ME3: variants seen among roughly 807,000 people sequenced by gnomAD.
The protein encoded by ME3 is NADP-dependent malic enzyme, mitochondrial.
ME3 carries 48 observed loss-of-function variants against 68.9 expected under a neutral mutation model. The ratio of observed to expected loss-of-function variants is 0.70; its 90% CI spans 0.55 to 0.89. ME3 has a LOEUF of 0.89. Among genes scored for constraint, ME3 ranks in the 40% least tolerant of loss-of-function variants. ME3 has a pLI of 0.00. For synonymous variants in ME3, 320 were observed against 318.8 expected (o/e 1.00, Z -0.04); for missense variants, 675 against 797.4 (o/e 0.85, Z 1.85).
chr11:86,458,358 G>A lies in ME3; in HGVS notation c.919+6733C>T, dbSNP rs1376810520. Among the ~76,000 whole-genome samples, 5 of 152,330 alleles carry A rather than the reference G, an allele frequency of 3.3e-5. No homozygotes were observed. In the East Asian group the frequency reaches 9.6e-4, roughly 29 times the overall value. ...CTACATTACTTCAGTGCAATTTTGT[G>A]TCATAAGGGAATTTTCTGGAGCTCC... is the stretch of plus-strand genomic sequence containing the variant. On this transcript the variant is annotated intron_variant, in intron 8 of 14. Coordinates refer to ENST00000543262, the Ensembl canonical transcript of ME3.
At chr11:86,529,806 C>A (rs960168440) in intron 4 of ME3, among the ~76,000 whole-genome samples, 7 of 152,100 alleles carry the variant, frequency 4.6e-5, no homozygotes, top group Non-Finnish European at 1.5e-5. Flanking sequence ...ATTAAATAAC[C>A]CTTCATGCTA....
At chr11:86,628,186 G>A (rs1487147660) in intron 2 of ME3, among the ~76,000 whole-genome samples, 1 of 152,230 alleles carries the variant, frequency 6.6e-6, no homozygotes, top group Non-Finnish European at 1.5e-5. Context: ...TTACATGCCA[G>A]TATGTAGGAG....
At chr11:86,600,172 G>A (rs1165551269) in intron 2 of ME3, among the ~76,000 whole-genome samples, 2 of 152,048 alleles carry the variant, frequency 1.3e-5, no homozygotes, top group African/African-American at 4.8e-5. Context: ...TGGATAAAGA[G>A]TCAAGACCCA....
rs558405047 is a variant in ME3 at position 86,457,862 on chromosome 11, G to A, written c.919+7229C>T. ...CTTGAGGTTGTAGCTTCAGGAAATA[G>A]CACAAAAGGACATGCTGAAAATGTA... On this transcript the variant is annotated intron_variant, in intron 8 of 14. Coordinates refer to ENST00000543262, the Ensembl canonical transcript of ME3. 1.0e-4 allele frequency: 115 copies of A among 1,130,600 alleles called. No homozygotes were observed. In the African/African-American group the frequency reaches 1.8e-3, roughly 18 times the overall value. The allele number at this position is 1,130,600 out of a possible 1,614,324, so 70.0% of individuals were successfully genotyped here. A position where few individuals can be genotyped will look rare whatever the true frequency, so the allele number is the denominator to read the frequency against.
chr11:86,600,761 C>T (rs1209675671), intron 2 of ME3, among the ~76,000 whole-genome samples: 1 of 151,678 alleles, frequency 6.6e-6, no homozygotes, highest in Admixed American at 6.6e-5. Flanking sequence ...TCTCTCAGAC[C>T]ACAGTGCAAT....
chr11:86,446,373 C>T, exon 13 of ME3: 2 of 1,614,178 alleles, frequency 1.2e-6, no homozygotes, highest in East Asian at 4.5e-5. Flanking sequence ...GCGATGACTC[C>T]CAGTGCCACC....
chr11:86,489,689 C>G (rs1014555383), intron 6 of ME3, among the ~76,000 whole-genome samples: 1 of 152,140 alleles, frequency 6.6e-6, no homozygotes, highest in Non-Finnish European at 1.5e-5. Flanking sequence ...ACTGGCCTGA[C>G]TGAGCTGGGG....
At chr11:86,644,375 T>C (rs1944867996) in intron 2 of ME3, among the ~76,000 whole-genome samples, 1 of 152,128 alleles carries the variant, frequency 6.6e-6, no homozygotes, top group Admixed American at 6.5e-5. Flanking sequence ...CTTCCTTGCT[T>C]AGAACCATTT....
chr11:86,629,429 C>T (rs1943874752), intron 2 of ME3, among the ~76,000 whole-genome samples: 1 of 152,184 alleles, frequency 6.6e-6, no homozygotes, highest in South Asian at 2.1e-4. Flanking sequence ...AGGAGGTTAA[C>T]TAAATGTGTT....
intron 2 of ME3, among the ~76,000 whole-genome samples, chr11:86,581,346 T>C (rs1958434614): frequency 6.6e-6 from 1 of 152,186 alleles, no homozygotes; most frequent in South Asian, 2.1e-4. Flanking sequence ...CATAGGATAA[T>C]GATTATGAGT....
At chr11:86,616,287 AT>A (rs1263630191) in intron 2 of ME3, among the ~76,000 whole-genome samples, 25 of 152,314 alleles carry the variant, frequency 1.6e-4, no homozygotes, top group African/African-American at 5.8e-4. Context: ...TAAAACTTTT[AT>A]GATATTTAGG....
intron 2 of ME3, among the ~76,000 whole-genome samples, chr11:86,665,825 G>A (rs1386261086): frequency 6.9e-6 from 1 of 144,734 alleles, no homozygotes; most frequent in Non-Finnish European, 1.5e-5. Flanking sequence ...ATTCCATAAG[G>A]GGTCTGAAAG....
chr11:86,478,876 C>T lies in ME3; in HGVS notation c.809+8461G>A, dbSNP rs114727225. On this transcript the variant is annotated intron_variant, in intron 7 of 14. Transcript: ENST00000543262. Reference sequence around the variant, plus strand: ...CCACTGCATTAGATGACTGTAGCCCCTTCCACTTTTGAGCTCTCATAATCA... The same window carrying T: ...CCACTGCATTAGATGACTGTAGCCCTTTCCACTTTTGAGCTCTCATAATCA... Among the ~76,000 whole-genome samples the T allele has an allele frequency of 4.4e-3, 666 of 152,238 alleles. 7 individuals carry two copies. The highest frequency in any genetic ancestry group is 0.016 in the African/African-American group (647 of 41,528).
chr11:86,564,675 A>G (rs1212208833), intron 2 of ME3, among the ~76,000 whole-genome samples: 23 of 152,168 alleles, frequency 1.5e-4, no homozygotes, highest in Admixed American at 1.5e-3. Context: ...TTGGACCCCT[A>G]ACTCACATTA....
intron 2 of ME3, among the ~76,000 whole-genome samples, chr11:86,591,872 C>T (rs1160792555): frequency 6.6e-6 from 1 of 152,072 alleles, no homozygotes; most frequent in Non-Finnish European, 1.5e-5. Flanking sequence ...GAGTCTCTCC[C>T]ACAACACGTG....
chr11:86,653,305 C>G (rs2135446046), intron 2 of ME3, among the ~76,000 whole-genome samples: 1 of 152,276 alleles, frequency 6.6e-6, no homozygotes, highest in East Asian at 1.9e-4. Flanking sequence ...ATTTTCAGCA[C>G]CACACCACAC....
At chr11:86,498,723 T>G (rs1307214662) in intron 5 of ME3, among the ~76,000 whole-genome samples, 2 of 152,332 alleles carry the variant, frequency 1.3e-5, no homozygotes, top group East Asian at 3.9e-4. Flanking sequence ...GAGGGCCTAC[T>G]ATGTGCTAGA....
intron 6 of ME3, 146 bp downstream of exon 6, chr11:86,497,816 TG>T: frequency 1.1e-6 from 1 of 913,850 alleles, no homozygotes. Flanking sequence ...ACTCCACAAC[TG>T]TGTAGGGGGA....
At chr11:86,482,903 C>A (rs1951492859) in intron 7 of ME3, among the ~76,000 whole-genome samples, 1 of 152,138 alleles carries the variant, frequency 6.6e-6, no homozygotes, top group Non-Finnish European at 1.5e-5. Context: ...ATCACTCCAG[C>A]TGAGTCAGTT....
Sources: gnomAD v4.1 joint callset for allele counts (sites outside exome capture counted in the v4.1 genomes callset) on GRCh38, gnomAD v4.1.1 for gene constraint, MANE v1.5 for transcripts, NCBI Gene and HGNC (gene_info 2026-07-23, HGNC 2026-07-21) for gene names.